The following ALG13 variants were observed in gnomAD, a reference collection of about 807,000 sequenced individuals.
The protein encoded by ALG13 is ALG13 UDP-N-acetylglucosaminyltransferase subunit.
A neutral mutation model predicts 87.8 loss-of-function variants in ALG13; 11 were observed. The ratio of observed to expected loss-of-function variants is 0.13; its 90% CI spans 0.08 to 0.21. The LOEUF is 0.21. Ranked by LOEUF, ALG13 falls within the 10% of genes least tolerant of loss-of-function variation. The pLI is 1.00. For missense variants in ALG13, 756 were observed against 866.1 expected (o/e 0.87, Z 1.60); for synonymous variants, 320 against 306.3 (o/e 1.04, Z -0.47).
chrX:111,710,352 C>G (rs749342995), intron 5 of ALG13, among the ~76,000 whole-genome samples: 15 of 111,158 alleles, frequency 1.3e-4, no homozygotes, highest in Admixed American at 5.7e-4. Context: ...GCATTTTTAA[C>G]GAACTGAAGT....
chrX:111,693,285 C>T (rs1936465932), intron 3 of ALG13, among the ~76,000 whole-genome samples: 1 of 99,974 alleles, frequency 1.0e-5, no homozygotes, highest in Admixed American at 1.2e-4. Flanking sequence ...AACGGAGTCT[C>T]GCTCTGTTGC....
In ALG13 at chrX:111,731,809, A is replaced by G. The variant is rs377095884; in HGVS notation, c.2457+1229A>G. Reference sequence around the variant, plus strand: ...TGGTTTTATCCTTATATTTCTGTCTATTTGATTGCAAGTGGCTTGAGTTTA... The same window carrying G: ...TGGTTTTATCCTTATATTTCTGTCTGTTTGATTGCAAGTGGCTTGAGTTTA... On this transcript the variant is annotated intron_variant, in intron 21 of 26. Transcript: ENST00000394780. Among the ~76,000 whole-genome samples, 5 of 111,905 alleles carry G rather than the reference A, an allele frequency of 4.5e-5. No homozygotes were observed. In the East Asian group the frequency reaches 1.4e-3, roughly 31 times the overall value.
rs1292480297 is a variant in ALG13 at position 111,727,064 on chromosome X, T to C, written c.1976+9T>C. ...GGATATGGGATGCCCAGGTAAGACA[T>C]TGACAGATTTGTATTTTCATGGTCT... On this transcript the variant is annotated intron_variant, in intron 16 of 26. Coordinates refer to ENST00000394780, the MANE Select transcript of ALG13 (RefSeq NM_001099922.3). The C allele has an allele frequency of 5.0e-6, 6 of 1,209,855 alleles. No individual in the cohort carries two copies. Among genetic ancestry groups the C allele is most frequent in the Non-Finnish European group, 6.7e-6 (6 of 894,144 alleles).
intron 15 of ALG13, among the ~76,000 whole-genome samples, 196 bp downstream of exon 15, chrX:111,725,257 A>G (rs905238919): frequency 2.7e-5 from 3 of 112,083 alleles, no homozygotes; most frequent in Non-Finnish European, 5.6e-5. Flanking sequence ...GGTGCTTCAT[A>G]GCATCCCTGG....
rs750251838 is a variant in ALG13 at position 111,708,116 on chromosome X, CAGGCCT to C, written c.476_481del (p.Gly159_Leu160del). 3 of 1,211,693 alleles carry C rather than the reference CAGGCCT, an allele frequency of 2.5e-6. No homozygotes were observed. In the African/African-American group the frequency reaches 5.2e-5, roughly 21 times the overall value. On this transcript the variant is annotated inframe_deletion, in exon 4 of 27. Coordinates refer to ENST00000394780, the MANE Select transcript of ALG13 (RefSeq NM_001099922.3). ...GCAGCGCTGACTTCAACTGCCTTTT[CAGGCCT>C]AGACTTTGGGCTGCTTTCCGGATAC... is the stretch of plus-strand genomic sequence containing the variant.
chrX:111,744,164 G>A (rs73544229), intron 23 of ALG13, among the ~76,000 whole-genome samples: 5,783 of 111,313 alleles, frequency 0.052, 369 homozygotes, highest in African/African-American at 0.18. Context: ...GAAATGGAAC[G>A]TTCATGATTT....
intron 21 of ALG13, among the ~76,000 whole-genome samples, chrX:111,733,013 T>C (rs963377295): frequency 9.0e-6 from 1 of 111,660 alleles, no homozygotes; most frequent in African/African-American, 3.3e-5. Flanking sequence ...GCTTTCAATC[T>C]CTTCATATGT....
At chrX:111,730,316 C>A in intron 19 of ALG13, 79 bp from the exon 20 acceptor site, 1 of 912,739 alleles carries the variant, frequency 1.1e-6, no homozygotes, top group Non-Finnish European at 1.6e-6. Context: ...GTGGAAAAAG[C>A]AAGTGCTGGC....
intron 19 of ALG13, among the ~76,000 whole-genome samples, chrX:111,729,252 A>G (rs1218513492): frequency 9.0e-6 from 1 of 111,514 alleles, no homozygotes. Flanking sequence ...GTTTATTTTT[A>G]CCTTGTTACT....
rs752879089 is a variant in ALG13, at chrX:111,752,749, A to C, written c.2933-41A>C. The C allele has an allele frequency of 4.1e-5, 41 of 990,136 alleles. No homozygotes were observed. The Middle Eastern group carries it at 3.6e-3, about 88-fold the overall frequency. The allele number at this position is 990,136 out of a possible 1,213,427, so 81.6% of individuals were successfully genotyped here. A position where few individuals can be genotyped will look rare whatever the true frequency, so the allele number is the denominator to read the frequency against. On this transcript the variant is annotated intron_variant, in intron 24 of 26. Transcript: ENST00000394780. ...TTTTAAAAGATAATTCTAATTGCTTATGTCAGTCAAGTCACTAATTTTTTT... is the reference window on the plus strand; with the variant it reads ...TTTTAAAAGATAATTCTAATTGCTTCTGTCAGTCAAGTCACTAATTTTTTT...
chrX:111,727,634 G>A lies in ALG13; in HGVS notation c.2111G>A (p.Arg704His). 8.3e-7 allele frequency: 1 copy of A among 1,206,392 alleles called. No individual in the cohort carries two copies. Among genetic ancestry groups the A allele is most frequent in the Non-Finnish European group, 1.1e-6 (1 of 893,281 alleles). ...YRSRSFRRSH[R>H]QMSCVNKESQ... Reference sequence around the variant, plus strand: ...TTAAGTTCATTTAGACGTAGTCACCGCCAGATGAGTTGTGTGAATAAGGAG... The same window carrying A: ...TTAAGTTCATTTAGACGTAGTCACCACCAGATGAGTTGTGTGAATAAGGAG... The change falls in exon 18 of 27, where the codon CGC (arginine) becomes CAC (histidine). Residue 704 changes from arginine (R) to histidine (H), a missense_variant. Transcript: ENST00000394780.
intron 1 of ALG13, 195 bp downstream of exon 1, chrX:111,681,494 G>T: frequency 9.6e-7 from 1 of 1,042,420 alleles, no homozygotes; most frequent in Non-Finnish European, 1.2e-6. Flanking sequence ...CGGCCACTCG[G>T]GGTTGCCTGT....
chrX:111,744,812 T>C lies in ALG13; in HGVS notation c.2840T>C (p.Leu947Pro), dbSNP rs778124551. 3 of 1,060,549 alleles carry C rather than the reference T, an allele frequency of 2.8e-6. No homozygotes were observed. The highest frequency in any genetic ancestry group is 3.7e-6 in the Non-Finnish European group (3 of 803,240). The allele number at this position is 1,060,549 out of a possible 1,213,427, so 87.4% of individuals were successfully genotyped here. A position where few individuals can be genotyped will look rare whatever the true frequency, so the allele number is the denominator to read the frequency against. ...PPPPPPPPPA[L>P]DVGETSNLQP... ...CCTCCTCCTCCTCCTCCTCCTGCTC[T>C]TGATGTGGGAGAGACTTCAAACTTA... is the stretch of plus-strand genomic sequence containing the variant. Residue 947 changes from leucine to proline, a missense_variant, in exon 24 of 27, where the codon CTT becomes CCT. By Grantham distance (98) the Leu-to-Pro change is moderately conservative (BLOSUM62 -3). Coordinates refer to ENST00000394780, the MANE Select transcript of ALG13 (RefSeq NM_001099922.3).
chrX:111,727,573 A>G (rs777676734), intron 17 of ALG13, 41 bp from the exon 18 acceptor site: 2 of 1,149,255 alleles, frequency 1.7e-6, no homozygotes, highest in South Asian at 2.0e-5. Flanking sequence ...AAGTTACTAT[A>G]TTTCATCATT....
At chrX:111,759,057 C>G (rs1426287135) in intron 26 of ALG13, among the ~76,000 whole-genome samples, 1 of 109,475 alleles carries the variant, frequency 9.1e-6, no homozygotes, top group African/African-American at 3.3e-5. Context: ...GTGCAGTATA[C>G]CTTTTATAGA....
In ALG13 at chrX:111,744,882, A is replaced by G. The variant is rs1304894860; in HGVS notation, c.2910A>G (p.Pro970=). 2.5e-6 allele frequency: 3 copies of G among 1,207,995 alleles called. No homozygotes were observed. Among genetic ancestry groups the G allele is most frequent in the Non-Finnish European group, 3.4e-6 (3 of 893,937 alleles). The change falls in exon 24 of 27, where the codon CCA becomes CCG. Residue 970 remains proline (P), a synonymous_variant. Coordinates refer to ENST00000394780, the MANE Select transcript of ALG13 (RefSeq NM_001099922.3). ...PLPPPPYSCD[P]SGSDLPQDTK... Reference sequence around the variant, plus strand: ...CACCTCCACCTTATTCCTGTGATCCAAGCGGCAGTGATTTGCCTCAAGGTA... The same window carrying G: ...CACCTCCACCTTATTCCTGTGATCCGAGCGGCAGTGATTTGCCTCAAGGTA...
intron 21 of ALG13, among the ~76,000 whole-genome samples, chrX:111,732,261 TCTC>T (rs1942779917): frequency 8.9e-6 from 1 of 112,054 alleles, no homozygotes. Context: ...ATGTTCATAA[TCTC>T]CTTCTCAATT....
intron 2 of ALG13, among the ~76,000 whole-genome samples, chrX:111,683,622 A>T (rs983740383): frequency 9.1e-6 from 1 of 110,460 alleles, no homozygotes; most frequent in Admixed American, 9.7e-5. Flanking sequence ...TACAGGCATG[A>T]TCCACTGCAC....
chrX:111,731,326 C>T (rs1942663094), intron 21 of ALG13, among the ~76,000 whole-genome samples: 1 of 111,771 alleles, frequency 8.9e-6, no homozygotes, highest in Non-Finnish European at 1.9e-5. Flanking sequence ...CCCCCTCCCT[C>T]CCCAGTTTAC....
Sources: allele counts gnomAD v4.1 joint callset (sites outside exome capture counted in the v4.1 genomes callset), GRCh38; gene constraint gnomAD v4.1.1; transcripts MANE v1.5; gene names NCBI Gene and HGNC (gene_info 2026-07-23, HGNC 2026-07-21).